The following EMCN variants were observed in gnomAD, a reference collection of about 807,000 sequenced individuals.
EMCN encodes MUC-14.
A neutral mutation model predicts 38.4 loss-of-function variants in EMCN; 37 were observed. That is an observed-to-expected ratio of 0.96 (90% CI 0.74 to 1.27). The LOEUF (loss-of-function observed/expected upper bound fraction) is 1.27. Among genes scored for constraint, EMCN ranks in the 50% most tolerant of loss-of-function variants. The probability of loss-of-function intolerance (pLI) is 0.00; values close to 1 mark genes in which losing one functional copy is unlikely to be tolerated. For missense variants in EMCN, 318 were observed against 302.8 expected (o/e 1.05, Z -0.37); for synonymous variants, 95 against 100.8 (o/e 0.94, Z 0.35).
intron 2 of EMCN, among the ~76,000 whole-genome samples, chr4:100,477,144 T>C (rs1339828966): frequency 1.3e-5 from 2 of 152,244 alleles, no homozygotes; most frequent in African/African-American, 4.8e-5. Context: ...TCAGAAACTG[T>C]TAGTATCACT....
intron 11 of EMCN, among the ~76,000 whole-genome samples, chr4:100,400,196 T>TA (rs753525771): frequency 1.5e-4 from 23 of 152,156 alleles, no homozygotes; most frequent in Non-Finnish European, 3.1e-4. Flanking sequence ...TTTTAAAAAA[T>TA]ACAATAACAT....
Position 100,447,599 on chromosome 4 carries a change from C to T in EMCN, c.377-28G>A, listed in dbSNP as rs1466056001. On this transcript the variant is annotated intron_variant, in intron 4 of 11. Coordinates refer to ENST00000296420, the MANE Select transcript of EMCN (RefSeq NM_016242.4). ...TTAGAAGGAAAAAAAGAAAAAAAATCAGTACAATTAAATGTTGAATATCAG... is the reference window on the plus strand; with the variant it reads ...TTAGAAGGAAAAAAAGAAAAAAAATTAGTACAATTAAATGTTGAATATCAG... 7 of 1,465,296 alleles carry T rather than the reference C, an allele frequency of 4.8e-6. No individual in the cohort carries two copies. In the South Asian group the frequency reaches 5.8e-5, roughly 12 times the overall value. 90.8% of individuals were successfully genotyped at this position (1,465,296 alleles called of 1,614,324 possible). A position where few individuals can be genotyped will look rare whatever the true frequency, so the allele number is the denominator to read the frequency against.
intron 11 of EMCN, among the ~76,000 whole-genome samples, chr4:100,406,760 T>G (rs1253677622): frequency 6.6e-6 from 1 of 152,118 alleles, no homozygotes; most frequent in Non-Finnish European, 1.5e-5. Flanking sequence ...TTGTCAATTG[T>G]CAAATGTAGG....
intron 1 of EMCN, among the ~76,000 whole-genome samples, chr4:100,496,082 G>T (rs1729199135): frequency 6.6e-6 from 1 of 151,960 alleles, no homozygotes; most frequent in South Asian, 2.1e-4. Context: ...TTGCTCTTTT[G>T]TGACCTCAGT....
intron 10 of EMCN, among the ~76,000 whole-genome samples, chr4:100,413,723 C>T (rs185106743): frequency 1.3e-5 from 2 of 152,216 alleles, no homozygotes; most frequent in Admixed American, 1.3e-4. Flanking sequence ...ATCTGGGTTG[C>T]CCTTTGAGAG....
chr4:100,456,918 AT>A (rs1441021833), intron 4 of EMCN, among the ~76,000 whole-genome samples: 9 of 152,040 alleles, frequency 5.9e-5, no homozygotes, highest in African/African-American at 2.2e-4. Context: ...GTATATTAAA[AT>A]TTTCATGAGA....
chr4:100,410,205 A>G, intron 11 of EMCN, 77 bp downstream of exon 11: 6 of 1,019,562 alleles, frequency 5.9e-6, no homozygotes, highest in Non-Finnish European at 9.2e-6. Flanking sequence ...GAAATTCTTT[A>G]AAAACAATCT....
intron 5 of EMCN, among the ~76,000 whole-genome samples, chr4:100,431,121 G>T (rs1727186463): frequency 1.3e-5 from 2 of 152,084 alleles, no homozygotes; most frequent in African/African-American, 4.8e-5. Flanking sequence ...TTTTCCAAAG[G>T]CCTTTGGTCA....
intron 4 of EMCN, among the ~76,000 whole-genome samples, chr4:100,453,282 G>T (rs1007735220): frequency 6.6e-6 from 1 of 151,686 alleles, no homozygotes; most frequent in East Asian, 1.9e-4. Context: ...TCTGACAAAG[G>T]GCTAATATCC....
At chr4:100,400,344 C>G (rs1305812839) in intron 11 of EMCN, among the ~76,000 whole-genome samples, 1 of 141,948 alleles carries the variant, frequency 7.0e-6, no homozygotes, top group Non-Finnish European at 1.5e-5. Context: ...CTCTCTTCAC[C>G]TAGGCCACAT....
rs150758540 is a variant in EMCN at position 100,423,377 on chromosome 4, G to A, written c.443C>T (p.Pro148Leu). ...TGAGGTTAATGTACCAGTTTTAGAA[G>A]GTGATGCATCTGGTTGTAGAACACT... Reference protein sequence around the residue: ...PGSVLQPDASPSKTGTLTSIP... With the variant: ...PGSVLQPDASLSKTGTLTSIP... Residue 148 changes from proline (P) to leucine (L), a missense_variant, in exon 6 of 12, where the codon CCT becomes CTT. Coordinates refer to ENST00000296420, the MANE Select transcript of EMCN (RefSeq NM_016242.4). 1.2e-6 allele frequency: 2 copies of A among 1,612,738 alleles called. No homozygotes were observed. The highest frequency in any genetic ancestry group is 2.2e-5 in the East Asian group (1 of 44,820).
At chr4:100,447,471 T>C in intron 5 of EMCN, 62 bp downstream of exon 5, 1 of 1,197,448 alleles carries the variant, frequency 8.4e-7, no homozygotes. Context: ...GTGTAATTTG[T>C]TTTATTCTTG....
chr4:100,421,961 G>A (rs72690391), intron 7 of EMCN, among the ~76,000 whole-genome samples: 15,200 of 151,982 alleles, frequency 0.1, 984 homozygotes, highest in Middle Eastern at 0.2. Context: ...CAGTAACTTA[G>A]GGTGAGTTTT....
intron 11 of EMCN, among the ~76,000 whole-genome samples, chr4:100,400,935 A>G (rs866752927): frequency 5.9e-5 from 9 of 152,158 alleles, no homozygotes; most frequent in African/African-American, 1.7e-4. Context: ...GGCTTCAATA[A>G]TAATGGTATA....
rs1726877650 is a variant in EMCN at position 100,421,234 on chromosome 4, A to G, written c.664+48T>C. 2.1e-6 allele frequency: 3 copies of G among 1,437,494 alleles called. No homozygotes were observed. The African/African-American group carries it at 4.2e-5, about 20-fold the overall frequency. 89.0% of individuals were successfully genotyped at this position (1,437,494 alleles called of 1,614,324 possible). On this transcript the variant is annotated intron_variant, in intron 8 of 11. Transcript: ENST00000296420. ...AGAATTTAAAATCAAGTTTAAACTG[A>G]GCATTCATTCTTCTTTCAGGAAAAC...
intron 5 of EMCN, among the ~76,000 whole-genome samples, chr4:100,441,798 C>T (rs924246700): frequency 6.6e-6 from 1 of 152,068 alleles, no homozygotes; most frequent in South Asian, 2.1e-4. Context: ...TCACAATTTG[C>T]TTTTGATGTC....
chr4:100,482,396 A>G (rs1000129397), intron 1 of EMCN, among the ~76,000 whole-genome samples: 12 of 152,100 alleles, frequency 7.9e-5, no homozygotes, highest in Admixed American at 5.2e-4. Flanking sequence ...AAGCTGCTGG[A>G]CAAACAATAA....
intron 5 of EMCN, among the ~76,000 whole-genome samples, chr4:100,428,064 C>CTGACAGTGTCGG (rs72010620): frequency 6.6e-6 from 1 of 151,042 alleles, no homozygotes; most frequent in Non-Finnish European, 1.5e-5. Context: ...TCCTTTCTTC[C>CTGACAGTGTCGG]TTCAGCTGAG....
chr4:100,455,725 C>A (rs746106125), intron 4 of EMCN, among the ~76,000 whole-genome samples: 1 of 151,814 alleles, frequency 6.6e-6, no homozygotes, highest in African/African-American at 2.4e-5. Flanking sequence ...ACTTGGGGCT[C>A]TTTAAGTTAC....
Sources: allele counts gnomAD v4.1 joint callset (sites outside exome capture counted in the v4.1 genomes callset), GRCh38; gene constraint gnomAD v4.1.1; transcripts MANE v1.5; gene names NCBI Gene and HGNC (gene_info 2026-07-23, HGNC 2026-07-21).